The following HNRNPAB variants were observed in gnomAD, a reference collection of about 807,000 sequenced individuals.
The protein encoded by HNRNPAB is ABBP-1.
In HNRNPAB, 17 loss-of-function variants were observed where a neutral mutation model predicts 44.1. The observed-to-expected ratio is 0.39, with a 90% CI of 0.26 to 0.58. The LOEUF is 0.58. Ranked by LOEUF, HNRNPAB falls within the 20% of genes least tolerant of loss-of-function variation. HNRNPAB has a pLI of 0.63. For missense variants in HNRNPAB, 393 were observed against 432.7 expected (o/e 0.91, Z 0.81); for synonymous variants, 183 against 167.6 (o/e 1.09, Z -0.71).
chr5:178,208,804 A>C (rs1173346183), intron 5 of HNRNPAB: 1 of 153,074 alleles, frequency 6.5e-6, no homozygotes, highest in Non-Finnish European at 1.5e-5. Flanking sequence ...GGGTAGCATT[A>C]TGGCCTCGGG....
rs1178178842 is a variant in HNRNPAB at position 178,210,739 on chromosome 5, C to T, written c.*116C>T. ...TTTCTATTGCCTGTCCCATGTGCAT[C>T]TTATTTAAAATTTCCCCCATGGAAA... On this transcript the variant is annotated 3_prime_UTR_variant, in exon 8 of 8. Coordinates refer to ENST00000358344, the MANE Select transcript of HNRNPAB (RefSeq NM_031266.3). The T allele has an allele frequency of 1.3e-6, 1 of 785,436 alleles. No homozygotes were observed. Among genetic ancestry groups the T allele is most frequent in the Non-Finnish European group, 2.2e-6 (1 of 456,648 alleles). 48.7% of individuals were successfully genotyped at this position (785,436 alleles called of 1,614,324 possible).
intron 7 of HNRNPAB, 110 bp downstream of exon 7, chr5:178,210,382 C>CAGCCATGG: frequency 6.3e-7 from 1 of 1,579,526 alleles, no homozygotes; most frequent in Non-Finnish European, 8.6e-7. Flanking sequence ...AGGCCTGGCT[C>CAGCCATGG]AGCCATGGGA....
intron 5 of HNRNPAB, chr5:178,208,798 A>T (rs1757274807): frequency 6.5e-6 from 1 of 153,192 alleles, no homozygotes. Flanking sequence ...GGGGGTGGGT[A>T]GCATTATGGC....
chr5:178,210,613 A>G lies in HNRNPAB; in HGVS notation c.989A>G (p.Lys330Arg), dbSNP rs774695228. 1 of 1,613,890 alleles carries G rather than the reference A, an allele frequency of 6.2e-7. No homozygotes were observed. The highest frequency in any genetic ancestry group is 8.5e-7 in the Non-Finnish European group (1 of 1,179,768). Residue 330 changes from lysine to arginine, a missense_variant, in exon 8 of 8, where the codon AAG becomes AGG. This residue lies in a region of HNRNPAB where 210 missense variants were observed against 196.9 expected (regional missense o/e 1.07). Transcript: ENST00000358344. Reference protein sequence around the residue: ...QRRGGHQNNYKPY With the variant: ...QRRGGHQNNYRPY ...CGTGGTGGCCATCAGAATAACTACA[A>G]GCCATACTGAGGCGGCAGCAGGAGC...
rs775960932 is a variant in HNRNPAB, at chr5:178,207,190, C to T, written c.634C>T (p.Leu212=). The stretch of plus-strand genomic sequence containing the variant: ...AGAAGAAGAACCCGTGAAGAAGGTT[C>T]TGGAGAAAAAGTTCCATACTGTCAG... ...FKEEEPVKKV[L]EKKFHTVSGS... is the part of the protein sequence containing the mutation. The change falls in exon 5 of 8, where the codon CTG becomes TTG. Residue 212 remains leucine (L), a synonymous_variant. Transcript: ENST00000358344. The T allele has an allele frequency of 1.2e-6, 2 of 1,614,062 alleles. No individual in the cohort carries two copies. Among genetic ancestry groups the T allele is most frequent in the Non-Finnish European group, 1.7e-6 (2 of 1,180,038 alleles).
At chr5:178,209,706 T>C (rs1757595137) in intron 6 of HNRNPAB, among the ~76,000 whole-genome samples, 1 of 151,902 alleles carries the variant, frequency 6.6e-6, no homozygotes, top group South Asian at 2.1e-4. Context: ...ATGTGATGGG[T>C]GTCTTGGCTT....
At position 178,209,455 on chromosome 5, in the gene HNRNPAB, G is replaced by T; in HGVS notation, c.787+8G>T. On this transcript the variant is annotated splice_region_variant and intron_variant, in intron 6 of 7. Coordinates refer to ENST00000358344, the MANE Select transcript of HNRNPAB (RefSeq NM_031266.3). ...GTGGTGGTGGAGGTGGAGGTGAGTG[G>T]AACGTGGATGAAGATAGGTCCTGTT... The T allele has an allele frequency of 6.2e-7, 1 of 1,610,312 alleles. No homozygotes were observed. Among genetic ancestry groups the T allele is most frequent in the Non-Finnish European group, 8.5e-7 (1 of 1,176,584 alleles).
chr5:178,205,682 A>C, intron 2 of HNRNPAB, 160 bp from the exon 3 acceptor site: 1 of 663,824 alleles, frequency 1.5e-6, no homozygotes, highest in Non-Finnish European at 2.6e-6. Context: ...GGTTGAGTTC[A>C]ATTTGGAGGG....
rs1192067439 is a variant in HNRNPAB, at chr5:178,209,233, T to TA, written c.670-97_670-96insA. 6.2e-6 allele frequency: 6 copies of TA among 969,020 alleles called. No homozygotes were observed. The Admixed American group carries it at 8.9e-5, about 14-fold the overall frequency. 60.0% of individuals were successfully genotyped at this position (969,020 alleles called of 1,614,324 possible). A position where few individuals can be genotyped will look rare whatever the true frequency, so the allele number is the denominator to read the frequency against. ...TATTTTGTTTCTCAGCAAATGGACC[T>TA]GATCCACCATTTGATGTTTGTCGCA... is the stretch of plus-strand genomic sequence containing the variant. On this transcript the variant is annotated intron_variant, in intron 5 of 7. Coordinates refer to ENST00000358344, the MANE Select transcript of HNRNPAB (RefSeq NM_031266.3).
At chr5:178,206,991 A>G (rs1757092136) in intron 4 of HNRNPAB, 101 bp downstream of exon 4, 11 of 1,585,398 alleles carry the variant, frequency 6.9e-6, no homozygotes, top group Middle Eastern at 1.8e-4. Flanking sequence ...GGCAGGGCTT[A>G]TTTTTCACCC....
At chr5:178,205,748 T>G in intron 2 of HNRNPAB, 94 bp from the exon 3 acceptor site, 2 of 1,198,150 alleles carry the variant, frequency 1.7e-6, no homozygotes, top group East Asian at 2.4e-5. Flanking sequence ...AGGGTAGCTG[T>G]AGACTTCGTG....
chr5:178,204,864 C>G lies in HNRNPAB; in HGVS notation c.27C>G (p.Pro9=), dbSNP rs1756979298. 1.7e-6 allele frequency: 2 copies of G among 1,170,116 alleles called. No individual in the cohort carries two copies. Among genetic ancestry groups the G allele is most frequent in the Non-Finnish European group, 2.1e-6 (2 of 957,932 alleles). 72.5% of individuals were successfully genotyped at this position (1,170,116 alleles called of 1,614,324 possible). The change falls in exon 2 of 8, where the codon CCC becomes CCG. Residue 9 remains proline, a synonymous_variant. Coordinates refer to ENST00000358344, the MANE Select transcript of HNRNPAB (RefSeq NM_031266.3). The part of the protein sequence containing the change: MSEAGEEQ[P]METTGATENG... ...TGTCGGAAGCGGGCGAGGAGCAGCC[C>G]ATGGAGACGACGGGCGCCACCGAGA...
At chr5:178,210,396 A>T in intron 7 of HNRNPAB, 124 bp downstream of exon 7, 1 of 1,565,340 alleles carries the variant, frequency 6.4e-7, no homozygotes, top group Non-Finnish European at 8.7e-7. Context: ...CATGGGAGCT[A>T]CTTGATTTTG....
At position 178,209,323 on chromosome 5, in the gene HNRNPAB, C is replaced by T. The variant is rs768968337; in HGVS notation, c.670-7C>T. The T allele has an allele frequency of 1.9e-6, 3 of 1,613,270 alleles. No homozygotes were observed. The highest frequency in any genetic ancestry group is 2.5e-6 in the Non-Finnish European group (3 of 1,179,170). On this transcript the variant is annotated splice_region_variant and splice_polypyrimidine_tract_variant and intron_variant, in intron 5 of 7. Coordinates refer to ENST00000358344, the MANE Select transcript of HNRNPAB (RefSeq NM_031266.3). ...ACTGGCCTGACCACTGTCCTCTTGA[C>T]TTTTAGTGTGAGATCAAGGTGGCCC...
intron 5 of HNRNPAB, among the ~76,000 whole-genome samples, chr5:178,207,524 C>A (rs1218796071): frequency 1.3e-5 from 2 of 152,004 alleles, no homozygotes; most frequent in African/African-American, 4.8e-5. Flanking sequence ...GGTGACAGTT[C>A]TAGATTCTTG....
At chr5:178,205,462 AC>A (rs1479682749) in intron 2 of HNRNPAB, 1 of 161,574 alleles carries the variant, frequency 6.2e-6, no homozygotes, top group Non-Finnish European at 1.4e-5. Flanking sequence ...CACGGTCTGA[AC>A]CCTGGGCGGG....
rs1192556360 is a variant in HNRNPAB at position 178,210,246 on chromosome 5, ACGGCTACGGCCC to A, written c.911_922del (p.Gly304_Tyr307del). 1.1e-5 allele frequency: 17 copies of A among 1,613,688 alleles called. No individual in the cohort carries two copies. Among genetic ancestry groups the A allele is most frequent in the Admixed American group, 3.3e-5 (2 of 59,978 alleles). On this transcript the variant is annotated inframe_deletion, in exon 7 of 8. Coordinates refer to ENST00000358344, the MANE Select transcript of HNRNPAB (RefSeq NM_031266.3). ...TACGACTACTCGCCCTATGGCTATT[ACGGCTACGGCCC>A]CGGCTACGACTACAGTAAGTAGGAG...
chr5:178,206,646 C>T (rs1018910321), intron 3 of HNRNPAB, 86 bp from the exon 4 acceptor site: 8 of 1,307,418 alleles, frequency 6.1e-6, no homozygotes, highest in Admixed American at 5.9e-5. Context: ...ATGTTTGTAT[C>T]TGTACTGGTG....
chr5:178,210,226 C>T lies in HNRNPAB; in HGVS notation c.882C>T (p.Asp294=). ...ACGGGCCTGGCTATGGCGGCTACGA[C>T]TACTCGCCCTATGGCTATTACGGCT... The part of the protein sequence containing the change: ...QGYGPGYGGY[D]YSPYGYYGYG... The change falls in exon 7 of 8, where the codon GAC becomes GAT. Residue 294 remains aspartate (D), a synonymous_variant. Transcript: ENST00000358344. The T allele has an allele frequency of 1.2e-6, 2 of 1,613,170 alleles. No individual in the cohort carries two copies. The highest frequency in any genetic ancestry group is 1.1e-5 in the South Asian group (1 of 91,064).
Sources: allele counts gnomAD v4.1 joint callset (sites outside exome capture counted in the v4.1 genomes callset), GRCh38; gene constraint gnomAD v4.1.1; regional missense constraint gnomAD v4.1.1; transcripts MANE v1.5; gene names NCBI Gene and HGNC (gene_info 2026-07-23, HGNC 2026-07-21).